GRIA1: variants seen among roughly 807,000 people sequenced by gnomAD.
The protein encoded by GRIA1 is glutamate ionotropic receptor AMPA type subunit 1, also known as glutamate receptor 1.
GRIA1 carries 31 observed loss-of-function variants against 99.2 expected under a neutral mutation model. The ratio of observed to expected loss-of-function variants is 0.31; its 90% CI spans 0.23 to 0.42. The LOEUF (loss-of-function observed/expected upper bound fraction) is 0.42. GRIA1 is among the 10% of genes least tolerant of loss of function. The probability of loss-of-function intolerance (pLI) is 1.00; values close to 1 mark genes in which losing one functional copy is unlikely to be tolerated. For missense variants in GRIA1, 782 were observed against 1,157.5 expected, an observed-to-expected ratio of 0.68 and a Z score of 4.71; for synonymous variants, 438 against 432.4, an observed-to-expected ratio of 1.01 and a Z score of -0.16.
rs561431229 is a variant in GRIA1, at chr5:153,773,481, G to A, written c.2270+3066G>A. Among the ~76,000 whole-genome samples the A allele has an allele frequency of 2.0e-5, 3 of 152,276 alleles. No homozygotes were observed. In the South Asian group the frequency reaches 6.2e-4, roughly 32 times the overall value. ...AGAGCAACCACTCACCACTCTGAAG[G>A]CAAAAGGTGATAATGGACACTGACT... On this transcript the variant is annotated intron_variant, in intron 13 of 15. Transcript: ENST00000285900.
intron 11 of GRIA1, among the ~76,000 whole-genome samples, chr5:153,759,675 G>A (rs1763050840): frequency 6.6e-6 from 1 of 151,812 alleles, no homozygotes; most frequent in Non-Finnish European, 1.5e-5. Context: ...AAAATTGAAA[G>A]GGAGGAAGTT....
chr5:153,677,144 C>A lies in GRIA1; in HGVS notation c.1012C>A (p.Gln338Lys). Residue 338 changes from glutamine to lysine, a missense_variant, in exon 7 of 16, where the codon CAG becomes AAG. Gln to Lys is a moderately conservative substitution (Grantham distance 53). This residue lies in a region of GRIA1 where 461 missense variants were observed against 521.7 expected (regional missense o/e 0.88). Transcript: ENST00000285900. ...TCCCTGGGGCCAAGGGATCGACATC[C>A]AGAGAGCTCTGCAGCAGGTAAGACC... ...AVPWGQGIDIQRALQQVRFEG... is the reference protein window; with the variant it reads ...AVPWGQGIDIKRALQQVRFEG... 6.5e-7 allele frequency: 1 copy of A among 1,531,944 alleles called. No homozygotes were observed. Among genetic ancestry groups the A allele is most frequent in the South Asian group, 1.3e-5 (1 of 79,790 alleles). The allele number at this position is 1,531,944 out of a possible 1,614,324, so 94.9% of individuals were successfully genotyped here. A position where few individuals can be genotyped will look rare whatever the true frequency, so the allele number is the denominator to read the frequency against.
At chr5:153,682,647 G>C (rs1173301000) in intron 7 of GRIA1, among the ~76,000 whole-genome samples, 1 of 152,002 alleles carries the variant, frequency 6.6e-6, no homozygotes, top group Non-Finnish European at 1.5e-5. Context: ...GATGCTTGCT[G>C]TTAGCAATTT....
intron 11 of GRIA1, among the ~76,000 whole-genome samples, chr5:153,738,094 C>G (rs1761516822): frequency 6.6e-6 from 1 of 152,210 alleles, no homozygotes; most frequent in Non-Finnish European, 1.5e-5. Context: ...AACAGAGACA[C>G]AGACCAAGAA....
intron 2 of GRIA1, among the ~76,000 whole-genome samples, chr5:153,544,414 C>A (rs911308449): frequency 1.3e-5 from 2 of 152,198 alleles, no homozygotes; most frequent in Non-Finnish European, 2.9e-5. Context: ...CATGGCATCA[C>A]CCCTTCCAGC....
chr5:153,512,543 GC>G (rs1756196857), intron 2 of GRIA1, among the ~76,000 whole-genome samples: 1 of 152,188 alleles, frequency 6.6e-6, no homozygotes, highest in African/African-American at 2.4e-5. Context: ...ACACGACAGA[GC>G]CCATTCTAAG....
At chr5:153,608,326 ATTCT>A (rs1273778601) in intron 2 of GRIA1, among the ~76,000 whole-genome samples, 1 of 152,134 alleles carries the variant, frequency 6.6e-6, no homozygotes, top group East Asian at 1.9e-4. Context: ...TTGGCAATTA[ATTCT>A]TCAGACATCA....
intron 2 of GRIA1, among the ~76,000 whole-genome samples, chr5:153,608,123 T>C (rs1290213869): frequency 6.6e-6 from 1 of 152,226 alleles, no homozygotes; most frequent in Non-Finnish European, 1.5e-5. Flanking sequence ...AGCTGTCTGC[T>C]TTATTGTTGA....
Position 153,699,013 on chromosome 5 carries a change from C to T in GRIA1, c.1392C>T (p.Tyr464=), listed in dbSNP as rs558869557. The T allele has an allele frequency of 2.2e-4, 359 of 1,613,862 alleles. 3 individuals are homozygous for T. In the South Asian group the frequency reaches 3.5e-3, roughly 16 times the overall value. Reference sequence around the variant, plus strand: ...TGGAGATTGTCAGTGATGGAAAATACGGAGCCCGAGACCCTGACACGAAGG... The same window carrying T: ...TGGAGATTGTCAGTGATGGAAAATATGGAGCCCGAGACCCTGACACGAAGG... ...YRLEIVSDGK[Y]GARDPDTKAW... Residue 464 remains tyrosine (Y), a synonymous_variant, in exon 10 of 16, where the codon TAC becomes TAT. Coordinates refer to ENST00000285900, the MANE Select transcript of GRIA1 (RefSeq NM_000827.4).
intron 2 of GRIA1, among the ~76,000 whole-genome samples, chr5:153,597,523 C>T (rs1764532706): frequency 6.6e-6 from 1 of 152,158 alleles, no homozygotes; most frequent in Admixed American, 6.5e-5. Context: ...CTTTTCTCAT[C>T]TAAAAAGAAG....
upstream of GRIA1, chr5:153,490,570 G>A (rs1334524999): frequency 9.2e-6 from 4 of 434,334 alleles, no homozygotes; most frequent in African/African-American, 4.0e-5. Flanking sequence ...GCGAGAGAGA[G>A]CAAGGGAGGG....
chr5:153,741,896 T>G (rs552535880), intron 11 of GRIA1, among the ~76,000 whole-genome samples: 36 of 150,460 alleles, frequency 2.4e-4, no homozygotes, highest in Admixed American at 6.6e-4. Context: ...ATAAATCTCA[T>G]GTTAAGCATT....
chr5:153,806,742 A>C (rs977712892), intron 15 of GRIA1, among the ~76,000 whole-genome samples: 1 of 152,246 alleles, frequency 6.6e-6, no homozygotes, highest in Non-Finnish European at 1.5e-5. Context: ...GCGAAGAAGG[A>C]AAGATGATTT....
At chr5:153,803,173 T>C (rs1475509136) in intron 15 of GRIA1, among the ~76,000 whole-genome samples, 1 of 152,202 alleles carries the variant, frequency 6.6e-6, no homozygotes, top group African/African-American at 2.4e-5. Flanking sequence ...GTTAACACGA[T>C]ACACTAAATT....
At chr5:153,659,363 T>C (rs1386584814) in intron 5 of GRIA1, among the ~76,000 whole-genome samples, 4 of 152,200 alleles carry the variant, frequency 2.6e-5, no homozygotes, top group African/African-American at 9.6e-5. Context: ...ACTTGAACCA[T>C]GCAGAAATTG....
intron 14 of GRIA1, chr5:153,795,437 T>G: frequency 3.8e-6 from 4 of 1,050,326 alleles, no homozygotes; most frequent in Non-Finnish European, 5.9e-6. Flanking sequence ...TAAAATAACA[T>G]TGGTAATGTT....
chr5:153,739,045 C>T (rs1294966445), intron 11 of GRIA1, among the ~76,000 whole-genome samples: 2 of 150,416 alleles, frequency 1.3e-5, no homozygotes, highest in African/African-American at 4.9e-5. Context: ...TTGTTTCCAC[C>T]TTACCCTAAT....
At chr5:153,656,388 T>TATATATATATATATATATAC (rs1754963936) in intron 5 of GRIA1, among the ~76,000 whole-genome samples, 1 of 50,122 alleles carries the variant, frequency 2.0e-5, no homozygotes. Flanking sequence ...TTTGTTTATA[T>TATATATATATATATATATAC]ATATATATAT....
chr5:153,657,504 T>C (rs992281814), intron 5 of GRIA1, among the ~76,000 whole-genome samples: 16 of 152,234 alleles, frequency 1.1e-4, no homozygotes, highest in African/African-American at 3.9e-4. Flanking sequence ...GTTTTAACCA[T>C]GTTATTTTGT....
Sources: gnomAD v4.1 joint callset for allele counts (sites outside exome capture counted in the v4.1 genomes callset) on GRCh38, gnomAD v4.1.1 for gene constraint, gnomAD v4.1.1 regional missense constraint, MANE v1.5 for transcripts, NCBI Gene and HGNC (gene_info 2026-07-23, HGNC 2026-07-21) for gene names.